The following GLIS3 variants were observed in gnomAD, a reference collection of about 807,000 sequenced individuals.
The protein encoded by GLIS3 is zinc finger protein GLIS3.
A neutral mutation model predicts 78.6 loss-of-function variants in GLIS3; 53 were observed. The observed-to-expected ratio is 0.67, with a 90% CI of 0.54 to 0.85. The LOEUF (loss-of-function observed/expected upper bound fraction) is 0.85. GLIS3 is among the 40% of genes least tolerant of loss of function. GLIS3 has a pLI of 0.00. For synonymous variants in GLIS3, 684 were observed against 509.9 expected (o/e 1.34, Z -4.60); for missense variants, 1,703 against 1,231.1 (o/e 1.38, Z -5.74).
intron 2 of GLIS3, among the ~76,000 whole-genome samples, chr9:4,235,981 T>G (rs976330680): frequency 6.6e-6 from 1 of 151,472 alleles, no homozygotes; most frequent in Non-Finnish European, 1.5e-5. Flanking sequence ...AGATTCTGAG[T>G]ATGGCTCAAG....
chr9:3,940,822 T>C (rs1421721671), intron 4 of GLIS3, among the ~76,000 whole-genome samples: 1 of 152,172 alleles, frequency 6.6e-6, no homozygotes, highest in East Asian at 1.9e-4. Context: ...CCTATGTTAG[T>C]AATTGTATCT....
chr9:4,370,712 A>G, the GLIS3 span, among the ~76,000 whole-genome samples: 1 of 150,624 alleles, frequency 6.6e-6, no homozygotes, highest in Admixed American at 6.6e-5. Flanking sequence ...AATAAAATAT[A>G]TTATTTTTAA....
intron 2 of GLIS3, among the ~76,000 whole-genome samples, chr9:4,318,750 C>A (rs1184967197): frequency 6.6e-6 from 1 of 152,136 alleles, no homozygotes. Context: ...GCAGTAATAA[C>A]AGATGAAGAT....
chr9:4,481,387 C>T, the GLIS3 span, among the ~76,000 whole-genome samples: 1,217 of 152,106 alleles, frequency 8.0e-3, 11 homozygotes, highest in African/African-American at 0.028. Flanking sequence ...AGGAGGCTGA[C>T]TCAGGGGAAT....
the GLIS3 span, among the ~76,000 whole-genome samples, chr9:4,395,769 CTTTTTTTCTT>C: frequency 3.4e-5 from 5 of 145,840 alleles, no homozygotes; most frequent in East Asian, 6.0e-4. Context: ...TTTCTTTTTT[CTTTTTTTCTT>C]TTTTTTTTTT....
At chr9:4,282,380 C>T (rs1827637914) in intron 2 of GLIS3, among the ~76,000 whole-genome samples, 1 of 152,196 alleles carries the variant, frequency 6.6e-6, no homozygotes, top group African/African-American at 2.4e-5. Context: ...CTGAGTAAAA[C>T]ATATTGCCCT....
chr9:4,329,153 T>C (rs113921102), intron 2 of GLIS3, among the ~76,000 whole-genome samples: 150 of 152,300 alleles, frequency 9.8e-4, no homozygotes, highest in African/African-American at 3.4e-3. Context: ...CGAAGAATTT[T>C]CTACCTCTGT....
At chr9:4,224,244 C>A (rs1821573588) in intron 2 of GLIS3, among the ~76,000 whole-genome samples, 1 of 152,076 alleles carries the variant, frequency 6.6e-6, no homozygotes, top group African/African-American at 2.4e-5. Context: ...AAGTGATTGA[C>A]CAAGGTGATC....
intron 4 of GLIS3, among the ~76,000 whole-genome samples, chr9:3,998,912 T>C (rs1216992992): frequency 6.6e-6 from 1 of 151,934 alleles, no homozygotes; most frequent in Non-Finnish European, 1.5e-5. Flanking sequence ...AACCTTTTTA[T>C]TACCTTCTGG....
At chr9:3,991,386 A>T (rs920763259) in intron 4 of GLIS3, among the ~76,000 whole-genome samples, 2 of 152,202 alleles carry the variant, frequency 1.3e-5, no homozygotes, top group Non-Finnish European at 2.9e-5. Context: ...GTCTGAAGAG[A>T]CATTAAGTAC....
intron 4 of GLIS3, among the ~76,000 whole-genome samples, chr9:4,041,052 G>C (rs1239325773): frequency 2.0e-5 from 3 of 152,222 alleles, no homozygotes. Flanking sequence ...TATGTGGAGT[G>C]AGTACCATCA....
At chr9:4,406,150 C>T in the GLIS3 span, among the ~76,000 whole-genome samples, 2 of 152,074 alleles carry the variant, frequency 1.3e-5, no homozygotes, top group African/African-American at 4.8e-5. Context: ...AGCCTTTCTT[C>T]TTAGATCTGG....
rs576632758 is a variant in GLIS3, at chr9:4,006,212, G to A, written c.1711-69023C>T. On this transcript the variant is annotated intron_variant, in intron 4 of 10. Coordinates refer to ENST00000381971, the MANE Select transcript of GLIS3 (RefSeq NM_001042413.2). ...CTTTGCTGTAAACTCTCTTTTTCAC[G>A]CTCCTTGCCTTGCCTGACAGGTAAA... 3.4e-5 allele frequency among the ~76,000 whole-genome samples: 5 copies of A among 147,396 alleles called. No homozygotes were observed. In the South Asian group the frequency reaches 8.5e-4, roughly 25 times the overall value.
intron 4 of GLIS3, among the ~76,000 whole-genome samples, chr9:4,116,134 C>CA (rs993865280): frequency 6.6e-6 from 1 of 152,094 alleles, no homozygotes; most frequent in African/African-American, 2.4e-5. Flanking sequence ...TTTTGCAATG[C>CA]AAAAAATATT....
the GLIS3 span, among the ~76,000 whole-genome samples, chr9:4,371,433 C>T: frequency 6.6e-6 from 1 of 152,216 alleles, no homozygotes; most frequent in African/African-American, 2.4e-5. Flanking sequence ...TTCCTTTGAA[C>T]TTCTGTATGT....
chr9:4,275,062 G>C (rs1029150129), intron 2 of GLIS3, among the ~76,000 whole-genome samples: 4 of 152,310 alleles, frequency 2.6e-5, no homozygotes, highest in African/African-American at 9.6e-5. Context: ...TGACAAGTCA[G>C]AAGTAGCAAA....
chr9:4,480,486 C>T, the GLIS3 span, among the ~76,000 whole-genome samples: 6 of 152,142 alleles, frequency 3.9e-5, no homozygotes, highest in East Asian at 9.7e-4. Flanking sequence ...TAGGCATGGG[C>T]CACCATGCCC....
the GLIS3 span, among the ~76,000 whole-genome samples, chr9:4,440,819 C>A: frequency 6.6e-6 from 1 of 152,018 alleles, no homozygotes; most frequent in Non-Finnish European, 1.5e-5. Context: ...TTACTTGTGT[C>A]TTCTTCAATT....
At chr9:4,459,538 A>G in the GLIS3 span, among the ~76,000 whole-genome samples, 1 of 152,250 alleles carries the variant, frequency 6.6e-6, no homozygotes, top group Non-Finnish European at 1.5e-5. Flanking sequence ...CCAAGATGGG[A>G]GGATCACTTA....
Sources: allele counts gnomAD v4.1 joint callset (sites outside exome capture counted in the v4.1 genomes callset), GRCh38; gene constraint gnomAD v4.1.1; transcripts MANE v1.5; gene names NCBI Gene and HGNC (gene_info 2026-07-23, HGNC 2026-07-21).